The following PHACTR3 variants were observed in gnomAD, a reference collection of about 807,000 sequenced individuals.
PHACTR3 encodes the protein protein phosphatase 1, regulatory subunit 123.
PHACTR3 carries 16 observed loss-of-function variants against 66.8 expected under a neutral mutation model. The ratio of observed to expected loss-of-function variants is 0.24; its 90% CI spans 0.16 to 0.36. The LOEUF (loss-of-function observed/expected upper bound fraction) is 0.36. PHACTR3 is among the 10% of genes least tolerant of loss of function. The pLI is 1.00. For synonymous variants in PHACTR3, 323 were observed against 292.1 expected, an observed-to-expected ratio of 1.11 and a Z score of -1.08; for missense variants, 647 against 719.9, an observed-to-expected ratio of 0.90 and a Z score of 1.16.
At chr20:59,777,388 G>A (rs569282126) in intron 7 of PHACTR3, among the ~76,000 whole-genome samples, 25 of 152,126 alleles carry the variant, frequency 1.6e-4, no homozygotes, top group South Asian at 8.3e-4. Flanking sequence ...TGGTTAACTC[G>A]TTCCTCTTCT....
intron 3 of PHACTR3, among the ~76,000 whole-genome samples, chr20:59,754,915 C>T (rs1209317732): frequency 6.6e-6 from 1 of 152,218 alleles, no homozygotes; most frequent in Non-Finnish European, 1.5e-5. Flanking sequence ...CTCAGGGGCA[C>T]TGCAGTCTCC....
chr20:59,827,912 C>A (rs6123952), intron 8 of PHACTR3, among the ~76,000 whole-genome samples: 10 of 152,088 alleles, frequency 6.6e-5, no homozygotes, highest in Non-Finnish European at 1.2e-4. Context: ...GCAGGCCAGC[C>A]GTTCTGTTGC....
intron 1 of PHACTR3, among the ~76,000 whole-genome samples, chr20:59,645,407 C>T (rs2035249578): frequency 6.6e-6 from 1 of 151,912 alleles, no homozygotes; most frequent in African/African-American, 2.4e-5. Flanking sequence ...AAGACCTCTG[C>T]CCTGGCTCTT....
chr20:59,629,548 ACT>A (rs1045693609), intron 1 of PHACTR3, among the ~76,000 whole-genome samples: 1 of 151,240 alleles, frequency 6.6e-6, no homozygotes, highest in African/African-American at 2.4e-5. Flanking sequence ...CCGTCCCAGG[ACT>A]CTCTCTGTGG....
chr20:59,732,909 T>C (rs1359406292), intron 1 of PHACTR3, among the ~76,000 whole-genome samples: 1 of 152,104 alleles, frequency 6.6e-6, no homozygotes, highest in African/African-American at 2.4e-5. Context: ...GTTTCCCCTA[T>C]ACTGGAAAAG....
chr20:59,706,984 G>T (rs1358589364), intron 1 of PHACTR3, among the ~76,000 whole-genome samples: 1 of 152,216 alleles, frequency 6.6e-6, no homozygotes, highest in African/African-American at 2.4e-5. Flanking sequence ...TAACTAAAGA[G>T]AATATGAAAT....
chr20:59,663,367 C>T (rs1330470826), intron 1 of PHACTR3, among the ~76,000 whole-genome samples: 2 of 152,256 alleles, frequency 1.3e-5, no homozygotes, highest in South Asian at 2.1e-4. Flanking sequence ...TGGGTGGAGA[C>T]GTGGAGGACA....
chr20:59,794,993 A>G (rs1383054655), intron 7 of PHACTR3, among the ~76,000 whole-genome samples: 2 of 151,686 alleles, frequency 1.3e-5, no homozygotes, highest in Non-Finnish European at 2.9e-5. Flanking sequence ...TCTAGTCTTT[A>G]TTTTATTTCT....
chr20:59,613,696 C>T (rs1302018783), intron 1 of PHACTR3, among the ~76,000 whole-genome samples: 1 of 152,168 alleles, frequency 6.6e-6, no homozygotes, highest in African/African-American at 2.4e-5. Flanking sequence ...CAAAACATGT[C>T]TGGGAGCTGC....
Position 59,752,727 on chromosome 20 carries a change from C to T in PHACTR3, c.359-2455C>T, listed in dbSNP as rs145823098. On this transcript the variant is annotated intron_variant, in intron 3 of 12. Transcript: ENST00000371015. Reference sequence around the variant, plus strand: ...ATGATTTTGATGATGACGATGGAGGCATCCTTATTATTAACAGCAGTGACA... The same window carrying T: ...ATGATTTTGATGATGACGATGGAGGTATCCTTATTATTAACAGCAGTGACA... Among the ~76,000 whole-genome samples, 798 of 152,280 alleles carry T rather than the reference C, an allele frequency of 5.2e-3. 4 individuals are homozygous for T. The highest frequency in any genetic ancestry group is 8.5e-3 in the Non-Finnish European group (579 of 68,018).
upstream of PHACTR3, among the ~76,000 whole-genome samples, chr20:59,600,544 G>A (rs944031264): frequency 1.3e-4 from 20 of 152,156 alleles, no homozygotes; most frequent in African/African-American, 3.9e-4. Flanking sequence ...AATGAGCAGG[G>A]GTGCCTCATA....
intron 1 of PHACTR3, among the ~76,000 whole-genome samples, chr20:59,588,112 T>C (rs1321494690): frequency 6.6e-6 from 1 of 152,204 alleles, no homozygotes; most frequent in Non-Finnish European, 1.5e-5. Context: ...AATTCTGCTG[T>C]CCTTACTGTG....
chr20:59,815,418 GTTTTT>G lies in PHACTR3; in HGVS notation c.1328+9233_1328+9237del, dbSNP rs538438640. Among the ~76,000 whole-genome samples the G allele has an allele frequency of 2.3e-5, 3 of 131,762 alleles. No individual in the cohort carries two copies. In the South Asian group the frequency reaches 7.4e-4, roughly 33 times the overall value. 86.4% of individuals were successfully genotyped at this position (131,762 alleles called of 152,430 possible). ...AGACTCAGCTGTACTTGGGGTTCTG[GTTTTT>G]TTTTTTTTGTTTTTTTTTTTGAGAT... On this transcript the variant is annotated intron_variant, in intron 8 of 12. Transcript: ENST00000371015.
At chr20:59,784,652 T>C (rs905519041) in intron 7 of PHACTR3, among the ~76,000 whole-genome samples, 5 of 152,270 alleles carry the variant, frequency 3.3e-5, no homozygotes, top group Middle Eastern at 3.4e-3. Context: ...TTATTCACCC[T>C]GTAAAGAAAG....
chr20:59,683,816 T>TC (rs950086002), intron 1 of PHACTR3, among the ~76,000 whole-genome samples: 7 of 152,134 alleles, frequency 4.6e-5, no homozygotes, highest in African/African-American at 1.2e-4. Flanking sequence ...GGTCCACGAA[T>TC]CCCTTAAAGT....
intron 1 of PHACTR3, among the ~76,000 whole-genome samples, chr20:59,722,573 T>A (rs972814864): frequency 6.6e-6 from 1 of 151,054 alleles, no homozygotes; most frequent in African/African-American, 2.4e-5. Context: ...CCCTGGAGGG[T>A]TTCAGCACAG....
At chr20:59,825,674 T>C (rs1405980709) in intron 8 of PHACTR3, among the ~76,000 whole-genome samples, 1 of 152,184 alleles carries the variant, frequency 6.6e-6, no homozygotes, top group Non-Finnish European at 1.5e-5. Flanking sequence ...CGGGGTGGGC[T>C]TTCTGGAAGA....
At chr20:59,781,685 G>A (rs1172532319) in intron 7 of PHACTR3, among the ~76,000 whole-genome samples, 1 of 152,176 alleles carries the variant, frequency 6.6e-6, no homozygotes, top group East Asian at 1.9e-4. Flanking sequence ...CTAATATACT[G>A]TGTACTTTAT....
At chr20:59,789,892 C>A (rs1468071158) in intron 7 of PHACTR3, among the ~76,000 whole-genome samples, 1 of 152,190 alleles carries the variant, frequency 6.6e-6, no homozygotes, top group Admixed American at 6.5e-5. Context: ...CCAGCAGGAT[C>A]CACGACTGCC....
Sources: gnomAD v4.1 joint callset for allele counts (sites outside exome capture counted in the v4.1 genomes callset) on GRCh38, gnomAD v4.1.1 for gene constraint, MANE v1.5 for transcripts, NCBI Gene and HGNC (gene_info 2026-07-23, HGNC 2026-07-21) for gene names.